CCN6: variants seen among roughly 807,000 people sequenced by gnomAD.
CCN6 encodes cellular communication network factor 6, also known as CCN family member 6.
Under a neutral mutation model 37.4 loss-of-function variants are expected in CCN6, and 31 were observed. The observed-to-expected ratio is 0.83, with a 90% CI of 0.62 to 1.12. CCN6 has a LOEUF of 1.12. CCN6 is among the 50% of genes most tolerant of loss of function. The pLI is 0.00. For synonymous variants in CCN6, 137 were observed against 142.1 expected (o/e 0.96, Z 0.26); for missense variants, 369 against 413.8 (o/e 0.89, Z 0.94).
chr6:112,061,259 G>C lies in CCN6; in HGVS notation c.317G>C (p.Arg106Thr). 6.2e-7 allele frequency: 1 copy of C among 1,614,220 alleles called. No individual in the cohort carries two copies. Among genetic ancestry groups the C allele is most frequent in the Non-Finnish European group, 8.5e-7 (1 of 1,180,026 alleles). ...CTGTATTGTGACTACTCAGTAGACA[G>C]GCCTAGGTACGAGACTGGAGTGTGT... ...KGLYCDYSVDRPRYETGVCAY... is the reference protein window; with the variant it reads ...KGLYCDYSVDTPRYETGVCAY... The change falls in exon 2 of 5, where the codon AGG becomes ACG. Residue 106 changes from arginine (R) to threonine (T), a missense_variant. Arg to Thr is a moderately conservative substitution (Grantham distance 71). Coordinates refer to ENST00000368666, the MANE Select transcript of CCN6 (RefSeq NM_198239.2).
At chr6:112,055,828 G>T (rs1432049546) in intron 1 of CCN6, among the ~76,000 whole-genome samples, 1 of 152,144 alleles carries the variant, frequency 6.6e-6, no homozygotes, top group South Asian at 2.1e-4. Context: ...GACCTCAAGT[G>T]ATCCGCCCAC....
In CCN6 at chr6:112,054,131, G is replaced by A; in HGVS notation, c.-227G>A. On this transcript the variant is annotated 5_prime_UTR_variant, in exon 1 of 5. Transcript: ENST00000368666. ...TCCTGACCTGTGACACGCTCACTGC[G>A]AAGGCAGGTTATTAGAAGAGTCCCA... 2 of 722,502 alleles carry A rather than the reference G, an allele frequency of 2.8e-6. No individual in the cohort carries two copies. The highest frequency in any genetic ancestry group is 5.1e-6 in the Non-Finnish European group (2 of 395,332). 44.8% of individuals were successfully genotyped at this position (722,502 alleles called of 1,614,324 possible).
At chr6:112,067,028 T>C (rs1212011928) in intron 3 of CCN6, 1 of 1,366,200 alleles carries the variant, frequency 7.3e-7, no homozygotes, top group Non-Finnish European at 9.8e-7. Flanking sequence ...TTGTCTACCT[T>C]CCAGGTATCT....
At chr6:112,064,260 A>G (rs1554313414) in intron 2 of CCN6, among the ~76,000 whole-genome samples, 1 of 152,202 alleles carries the variant, frequency 6.6e-6, no homozygotes, top group African/African-American at 2.4e-5. Context: ...CACTTGGGGA[A>G]CAGCCTATCC....
chr6:112,067,169 A>G (rs782249659), intron 3 of CCN6: 3 of 575,402 alleles, frequency 5.2e-6, no homozygotes, highest in Non-Finnish European at 7.2e-6. Flanking sequence ...TCCTATGAAG[A>G]AGGCTTTTTT....
chr6:112,060,154 G>A, intron 1 of CCN6: 1 of 1,324,050 alleles, frequency 7.6e-7, no homozygotes, highest in East Asian at 4.8e-5. Flanking sequence ...GGCCATGGTG[G>A]CACTTTGAAT....
At chr6:112,058,158 T>C (rs1251446137) in intron 1 of CCN6, among the ~76,000 whole-genome samples, 1 of 152,136 alleles carries the variant, frequency 6.6e-6, no homozygotes, top group Non-Finnish European at 1.5e-5. Flanking sequence ...CCCTGCTCCT[T>C]CTCCAGAAGC....
At chr6:112,057,129 A>G (rs782389834) in intron 1 of CCN6, among the ~76,000 whole-genome samples, 3 of 152,206 alleles carry the variant, frequency 2.0e-5, no homozygotes, top group Non-Finnish European at 2.9e-5. Context: ...GAAAGAACAC[A>G]TGAAAAAGCA....
At chr6:112,068,161 T>C in intron 3 of CCN6, 44 bp from the exon 4 acceptor site, 1 of 1,397,812 alleles carries the variant, frequency 7.2e-7, no homozygotes, top group Non-Finnish European at 9.8e-7. Flanking sequence ...TTTATACAAG[T>C]ACATTTATAT....
At chr6:112,062,374 C>G (rs1171720386) in intron 2 of CCN6, among the ~76,000 whole-genome samples, 3 of 152,172 alleles carry the variant, frequency 2.0e-5, no homozygotes, top group African/African-American at 7.2e-5. Flanking sequence ...TTTTCCCAAG[C>G]TAGGCAGGTT....
chr6:112,061,677 A>G (rs1776527845), intron 2 of CCN6, among the ~76,000 whole-genome samples: 1 of 152,232 alleles, frequency 6.6e-6, no homozygotes, highest in African/African-American at 2.4e-5. Context: ...TAAAAATACT[A>G]GAATGTATAC....
At chr6:112,063,124 G>C (rs1776575886) in intron 2 of CCN6, among the ~76,000 whole-genome samples, 1 of 152,140 alleles carries the variant, frequency 6.6e-6, no homozygotes, top group Non-Finnish European at 1.5e-5. Context: ...AAGATAGCTA[G>C]AGTCGCACAT....
intron 1 of CCN6, chr6:112,060,132 C>T (rs1776469835): frequency 7.5e-7 from 1 of 1,341,342 alleles, no homozygotes. Flanking sequence ...GAGGGGGGAC[C>T]ACAGGATGCA....
chr6:112,057,846 C>T (rs1554312069), intron 1 of CCN6, among the ~76,000 whole-genome samples: 4 of 151,902 alleles, frequency 2.6e-5, no homozygotes, highest in African/African-American at 4.8e-5. Flanking sequence ...CAGGAGCCTG[C>T]GGAGGAGATT....
chr6:112,065,089 T>C, intron 3 of CCN6, 92 bp downstream of exon 3: 1 of 1,584,352 alleles, frequency 6.3e-7, no homozygotes, highest in Non-Finnish European at 8.6e-7. Flanking sequence ...TAAGTACTTG[T>C]TGATTGGTGG....
rs114268039 is a variant in CCN6 at position 112,062,160 on chromosome 6, G to A, written c.346+872G>A. The stretch of plus-strand genomic sequence containing the variant: ...ACTGCTCTGCTAACTAAATACACTT[G>A]ATCAAGTTGTTTATTCTCTGTGTGT... On this transcript the variant is annotated intron_variant, in intron 2 of 4. Coordinates refer to ENST00000368666, the MANE Select transcript of CCN6 (RefSeq NM_198239.2). Among the ~76,000 whole-genome samples, 969 of 152,252 alleles carry A rather than the reference G, an allele frequency of 6.4e-3. 10 individuals are homozygous for A. The highest frequency in any genetic ancestry group is 0.022 in the African/African-American group (914 of 41,552).
upstream of CCN6, among the ~76,000 whole-genome samples, chr6:112,053,849 C>T (rs1461446169): frequency 9.3e-6 from 1 of 107,688 alleles, no homozygotes; most frequent in Non-Finnish European, 1.9e-5. Flanking sequence ...GGCTAGGCTG[C>T]GATGGGTGCT....
At chr6:112,067,021 T>C (rs371864369) in intron 3 of CCN6, 118 of 1,366,308 alleles carry the variant, frequency 8.6e-5, no homozygotes, top group Non-Finnish European at 1.1e-4. Context: ...TAAACTGTTG[T>C]CTACCTTCCA....
intron 1 of CCN6, among the ~76,000 whole-genome samples, chr6:112,057,915 A>G (rs1776395708): frequency 6.6e-6 from 1 of 152,150 alleles, no homozygotes; most frequent in African/African-American, 2.4e-5. Flanking sequence ...ATGAAATCCA[A>G]GGTAGAGGAG....
Sources: gnomAD v4.1 joint callset for allele counts (sites outside exome capture counted in the v4.1 genomes callset) on GRCh38, gnomAD v4.1.1 for gene constraint, MANE v1.5 for transcripts, NCBI Gene and HGNC (gene_info 2026-07-23, HGNC 2026-07-21) for gene names.